CDH11: variants seen among roughly 807,000 people sequenced by gnomAD.
The protein encoded by CDH11 is cadherin 11.
In CDH11, 11 loss-of-function variants were observed where a neutral mutation model predicts 67.8. That is an observed-to-expected ratio of 0.16 (90% confidence interval 0.10 to 0.27). The LOEUF (loss-of-function observed/expected upper bound fraction) is 0.27. Ranked by LOEUF, CDH11 falls within the 10% of genes least tolerant of loss-of-function variation. The probability of loss-of-function intolerance (pLI) is 1.00; values close to 1 mark genes in which losing one functional copy is unlikely to be tolerated. For synonymous variants in CDH11, 419 were observed against 400.0 expected, an observed-to-expected ratio of 1.05 and a Z score of -0.57; for missense variants, 847 against 1,031.2, an observed-to-expected ratio of 0.82 and a Z score of 2.45.
intron 8 of CDH11, among the ~76,000 whole-genome samples, chr16:64,976,169 A>T (rs370720703): frequency 5.6e-4 from 85 of 152,316 alleles, no homozygotes; most frequent in African/African-American, 1.9e-3. Context: ...GCCTAGGAGC[A>T]GGAAATCTGA....
At chr16:65,000,338 G>A (rs928325245) in intron 3 of CDH11, among the ~76,000 whole-genome samples, 1 of 152,004 alleles carries the variant, frequency 6.6e-6, no homozygotes, top group African/African-American at 2.4e-5. Flanking sequence ...CTTTTAATCC[G>A]AGTTCCTTGG....
chr16:65,113,097 C>G (rs1176518279), intron 1 of CDH11, among the ~76,000 whole-genome samples: 3 of 152,124 alleles, frequency 2.0e-5, no homozygotes, highest in Middle Eastern at 3.4e-3. Flanking sequence ...ATAAGCTTGA[C>G]CAACATAGTG....
chr16:65,087,257 T>G (rs898441646), intron 1 of CDH11, among the ~76,000 whole-genome samples: 1 of 152,174 alleles, frequency 6.6e-6, no homozygotes, highest in Non-Finnish European at 1.5e-5. Flanking sequence ...CCAGGGAATT[T>G]AGTCTAATTC....
At chr16:65,036,819 T>G (rs2073764467) in intron 2 of CDH11, among the ~76,000 whole-genome samples, 1 of 152,190 alleles carries the variant, frequency 6.6e-6, no homozygotes, top group Non-Finnish European at 1.5e-5. Context: ...AGAAATCATT[T>G]GGATACTTGG....
intron 1 of CDH11, among the ~76,000 whole-genome samples, chr16:65,102,177 T>A (rs1004022316): frequency 6.6e-6 from 1 of 152,238 alleles, no homozygotes; most frequent in African/African-American, 2.4e-5. Flanking sequence ...AACTTCTGAC[T>A]CTAAGAACCA....
At chr16:65,058,337 T>C (rs537566331) in intron 1 of CDH11, among the ~76,000 whole-genome samples, 1 of 152,376 alleles carries the variant, frequency 6.6e-6, no homozygotes, top group Admixed American at 6.5e-5. Context: ...ATGTTACTGT[T>C]GTATAAACAA....
At chr16:65,014,358 A>C (rs2073250771) in intron 2 of CDH11, among the ~76,000 whole-genome samples, 1 of 152,238 alleles carries the variant, frequency 6.6e-6, no homozygotes, top group African/African-American at 2.4e-5. Flanking sequence ...AATGTATTTT[A>C]TTTAACCCAG....
chr16:65,018,240 C>A (rs967970629), intron 2 of CDH11, among the ~76,000 whole-genome samples: 1 of 152,098 alleles, frequency 6.6e-6, no homozygotes, highest in African/African-American at 2.4e-5. Flanking sequence ...GGTTAGGAAC[C>A]CTGTGCAGGG....
intron 2 of CDH11, among the ~76,000 whole-genome samples, chr16:65,039,910 G>A (rs2073832642): frequency 6.6e-6 from 1 of 152,194 alleles, no homozygotes; most frequent in Admixed American, 6.5e-5. Flanking sequence ...GATATGAACA[G>A]ACACTTCTCA....
At chr16:64,986,272 C>T (rs552487493) in intron 7 of CDH11, 9 of 138,810 alleles carry the variant, frequency 6.5e-5, no homozygotes, top group Non-Finnish European at 1.0e-4. Flanking sequence ...ACATCTTACA[C>T]TATTTAAAAC....
rs149348775 is a variant in CDH11, at chr16:65,021,360, T to C, written c.-172-16319A>G. 9.7e-3 allele frequency among the ~76,000 whole-genome samples: 1,482 copies of C among 152,320 alleles called. 31 individuals are homozygous for C. Among genetic ancestry groups the C allele is most frequent in the African/African-American group, 0.034 (1,414 of 41,564 alleles). On this transcript the variant is annotated intron_variant, in intron 2 of 12. Coordinates refer to ENST00000268603, the MANE Select transcript of CDH11 (RefSeq NM_001797.4). The stretch of plus-strand genomic sequence containing the variant: ...TAGAGGTTTTTCCCAGAATGGGGTC[T>C]CTGGCACTTCCTCTGTTTTTCCCAA...
At chr16:65,122,894 C>T (rs992151878), upstream of CDH11, among the ~76,000 whole-genome samples, 2 of 152,222 alleles carry the variant, frequency 1.3e-5, no homozygotes, top group Admixed American at 1.3e-4. Context: ...GTGGCCCCCG[C>T]CGGTAGTGTC....
chr16:64,961,033 C>T (rs1184893831), intron 11 of CDH11, among the ~76,000 whole-genome samples: 1 of 151,966 alleles, frequency 6.6e-6, no homozygotes, highest in East Asian at 1.9e-4. Flanking sequence ...TTGGGGATTC[C>T]CTGACATCAG....
At chr16:64,980,962 C>T (rs40116) in intron 8 of CDH11, among the ~76,000 whole-genome samples, 39,979 of 152,074 alleles carry the variant, frequency 0.26, 6,047 homozygotes, top group Middle Eastern at 0.36. Flanking sequence ...ACTCTGTAAA[C>T]GTGTGATTCA....
intron 1 of CDH11, among the ~76,000 whole-genome samples, chr16:65,092,912 G>A (rs2074816300): frequency 6.7e-6 from 1 of 150,074 alleles, no homozygotes; most frequent in Admixed American, 6.6e-5. Flanking sequence ...TCAGCTTACA[G>A]TATTTACAAA....
rs551118289 is a variant in CDH11 at position 64,947,531 on chromosome 16, C to G, written c.*72G>C. On this transcript the variant is annotated 3_prime_UTR_variant, in exon 13 of 13. Coordinates refer to ENST00000268603, the MANE Select transcript of CDH11 (RefSeq NM_001797.4). ...AGCCTTTCCTTGATTTAAAAAAATA[C>G]CTGTTTACACATCTTCTAGATTCTT... 6.6e-7 allele frequency: 1 copy of G among 1,521,766 alleles called. No homozygotes were observed. Among genetic ancestry groups the G allele is most frequent in the Non-Finnish European group, 8.8e-7 (1 of 1,137,902 alleles). The allele number at this position is 1,521,766 out of a possible 1,614,324, so 94.3% of individuals were successfully genotyped here. A position where few individuals can be genotyped will look rare whatever the true frequency, so the allele number is the denominator to read the frequency against.
Position 64,947,763 on chromosome 16 carries a change from C to T in CDH11, c.2231G>A (p.Gly744Asp). The T allele has an allele frequency of 2.5e-6, 4 of 1,614,132 alleles. No individual in the cohort carries two copies. The highest frequency in any genetic ancestry group is 3.4e-6 in the Non-Finnish European group (4 of 1,180,026). ...GGCCACTGAGCCCCTGCCTTCATAACCGTAGATTTGAATGGAGTCATAAGG... is the reference window on the plus strand; with the variant it reads ...GGCCACTGAGCCCCTGCCTTCATAATCGTAGATTTGAATGGAGTCATAAGG... ...APPYDSIQIYGYEGRGSVAGS... is the reference protein window; with the variant it reads ...APPYDSIQIYDYEGRGSVAGS... The change falls in exon 13 of 13, where the codon GGT becomes GAT. Residue 744 changes from glycine to aspartate, a missense_variant. Gly to Asp is a moderately conservative substitution (Grantham distance 94). Transcript: ENST00000268603.
At chr16:65,010,307 T>A (rs2073149905) in intron 2 of CDH11, among the ~76,000 whole-genome samples, 1 of 152,154 alleles carries the variant, frequency 6.6e-6, no homozygotes, top group Admixed American at 6.5e-5. Context: ...CCAATTCTAT[T>A]ATGCAAATTA....
At chr16:65,057,458 C>T (rs916617058) in intron 1 of CDH11, among the ~76,000 whole-genome samples, 1 of 152,140 alleles carries the variant, frequency 6.6e-6, no homozygotes, top group Non-Finnish European at 1.5e-5. Context: ...TATACTATTT[C>T]AGAGAGACTA....
Sources: gnomAD v4.1 joint callset for allele counts (sites outside exome capture counted in the v4.1 genomes callset) on GRCh38, gnomAD v4.1.1 for gene constraint, MANE v1.5 for transcripts, NCBI Gene and HGNC (gene_info 2026-07-23, HGNC 2026-07-21) for gene names.